CTNNA2: variants seen among roughly 807,000 people sequenced by gnomAD.
The protein encoded by CTNNA2 is catenin alpha-2.
A neutral mutation model predicts 101.0 loss-of-function variants in CTNNA2; 42 were observed. The ratio of observed to expected loss-of-function variants is 0.42; its 90% CI spans 0.32 to 0.54. The LOEUF (loss-of-function observed/expected upper bound fraction) is 0.54. Ranked by LOEUF, CTNNA2 falls within the 20% of genes least tolerant of loss-of-function variation. The pLI, the probability that CTNNA2 is intolerant of heterozygous loss-of-function variation, is 0.14. For synonymous variants in CTNNA2, 450 were observed against 456.4 expected (o/e 0.99, Z 0.18); for missense variants, 871 against 1,223.1 (o/e 0.71, Z 4.29).
intron 9 of CTNNA2, among the ~76,000 whole-genome samples, chr2:80,483,984 A>G (rs2149504695): frequency 6.6e-6 from 1 of 152,266 alleles, no homozygotes; most frequent in Non-Finnish European, 1.5e-5. Flanking sequence ...AGCTGCTTGA[A>G]GGAAAAAGAA....
At chr2:80,528,952 A>G (rs1690282799) in intron 9 of CTNNA2, among the ~76,000 whole-genome samples, 1 of 152,228 alleles carries the variant, frequency 6.6e-6, no homozygotes, top group African/African-American at 2.4e-5. Flanking sequence ...TGTAAACATA[A>G]ATAAACAAGT....
At chr2:79,642,935 G>A (rs945122254) in intron 1 of CTNNA2, among the ~76,000 whole-genome samples, 3 of 152,030 alleles carry the variant, frequency 2.0e-5, no homozygotes, top group Non-Finnish European at 4.4e-5. Context: ...GGCTATGCCT[G>A]TAATCCCAGC....
intron 9 of CTNNA2, among the ~76,000 whole-genome samples, chr2:80,469,813 C>T (rs921922505): frequency 4.3e-4 from 65 of 152,244 alleles, no homozygotes; most frequent in African/African-American, 1.5e-3. Context: ...GGTGGGGAAC[C>T]TTTAAGCAAA....
At chr2:80,436,323 A>C (rs1449408170) in intron 9 of CTNNA2, among the ~76,000 whole-genome samples, 1 of 152,104 alleles carries the variant, frequency 6.6e-6, no homozygotes, top group Non-Finnish European at 1.5e-5. Context: ...AGCTTGTTGG[A>C]AATATAGACT....
At chr2:80,086,340 A>C (rs922100213) in intron 7 of CTNNA2, among the ~76,000 whole-genome samples, 1 of 152,138 alleles carries the variant, frequency 6.6e-6, no homozygotes, top group South Asian at 2.1e-4. Flanking sequence ...AAGGCCACAC[A>C]GACAACATAT....
intron 2 of CTNNA2, among the ~76,000 whole-genome samples, chr2:79,688,723 AG>A (rs1558840023): frequency 6.6e-6 from 1 of 152,132 alleles, no homozygotes; most frequent in Admixed American, 6.6e-5. Flanking sequence ...TTCCAATTAA[AG>A]CAATGACTGA....
At chr2:80,088,825 A>G (rs1211293150) in intron 7 of CTNNA2, among the ~76,000 whole-genome samples, 1 of 152,014 alleles carries the variant, frequency 6.6e-6, no homozygotes, top group African/African-American at 2.4e-5. Context: ...TGTTTGAAAG[A>G]CCCTGAGACT....
intron 15 of CTNNA2, among the ~76,000 whole-genome samples, chr2:80,592,909 T>C (rs1318322588): frequency 6.6e-6 from 1 of 152,142 alleles, no homozygotes; most frequent in Non-Finnish European, 1.5e-5. Context: ...TCATAAATGG[T>C]GATGTGACAG....
At chr2:80,216,544 C>T (rs554669432) in intron 7 of CTNNA2, among the ~76,000 whole-genome samples, 1 of 152,244 alleles carries the variant, frequency 6.6e-6, no homozygotes, top group Admixed American at 6.5e-5. Flanking sequence ...TGAATGAGAT[C>T]AGTGCCTTTA....
At chr2:79,535,220 T>C (rs1672982214) in intron 1 of CTNNA2, among the ~76,000 whole-genome samples, 1 of 152,130 alleles carries the variant, frequency 6.6e-6, no homozygotes, top group South Asian at 2.1e-4. Context: ...GAACATATTT[T>C]GCTCTTTTTT....
At chr2:79,400,550 G>GA (rs1209524768) in intron 4 of CTNNA2, among the ~76,000 whole-genome samples, 2 of 151,906 alleles carry the variant, frequency 1.3e-5, no homozygotes, top group East Asian at 1.9e-4. Flanking sequence ...CTGTCGAAAA[G>GA]AAAAAATCGG....
At chr2:79,723,171 C>T (rs898134588) in intron 2 of CTNNA2, among the ~76,000 whole-genome samples, 1 of 107,584 alleles carries the variant, frequency 9.3e-6, no homozygotes, top group African/African-American at 5.5e-5. Context: ...TATAGACCTG[C>T]GTAGTTCATC....
At chr2:79,628,270 G>C (rs1043118054) in intron 1 of CTNNA2, among the ~76,000 whole-genome samples, 2 of 152,056 alleles carry the variant, frequency 1.3e-5, no homozygotes, top group Non-Finnish European at 2.9e-5. Flanking sequence ...TGGCCAATAT[G>C]ATGAAACTCC....
At chr2:79,464,504 T>G (rs1670912922) in intron 4 of CTNNA2, among the ~76,000 whole-genome samples, 1 of 152,192 alleles carries the variant, frequency 6.6e-6, no homozygotes, top group Non-Finnish European at 1.5e-5. Context: ...TACCCAGTAA[T>G]GGGATGGCTG....
chr2:79,708,667 G>A (rs1188164934), intron 2 of CTNNA2, among the ~76,000 whole-genome samples: 3 of 143,766 alleles, frequency 2.1e-5, no homozygotes, highest in African/African-American at 5.5e-5. Context: ...ATTTTTATAA[G>A]GATAATTTAG....
chr2:79,322,928 C>G (rs4852144), intron 3 of CTNNA2, among the ~76,000 whole-genome samples: 21,989 of 152,120 alleles, frequency 0.14, 1,672 homozygotes, highest in East Asian at 0.17. Context: ...TTATGGTTTG[C>G]GAGAGAAGTT....
chr2:80,573,418 G>T (rs950091814), intron 12 of CTNNA2: 3 of 152,082 alleles, frequency 2.0e-5, no homozygotes, highest in Non-Finnish European at 2.9e-5. Flanking sequence ...TGGTAAGATG[G>T]AACACTTTAT....
chr2:79,408,747 C>T (rs1573151804), intron 4 of CTNNA2, among the ~76,000 whole-genome samples: 2 of 151,830 alleles, frequency 1.3e-5, no homozygotes, highest in Non-Finnish European at 2.9e-5. Flanking sequence ...GTGAATAGTG[C>T]CGCAATAAAC....
intron 7 of CTNNA2, among the ~76,000 whole-genome samples, chr2:79,987,092 TC>T (rs1442609478): frequency 6.6e-5 from 10 of 152,052 alleles, no homozygotes; most frequent in Admixed American, 6.6e-5. Context: ...CCACTTTTTT[TC>T]CCCACTGGAA....
Sources: gnomAD v4.1 joint callset for allele counts (sites outside exome capture counted in the v4.1 genomes callset) on GRCh38, gnomAD v4.1.1 for gene constraint, MANE v1.5 for transcripts, NCBI Gene and HGNC (gene_info 2026-07-23, HGNC 2026-07-21) for gene names.